Variants in ST8SIA4 observed in about 807,000 individuals in gnomAD.
ST8SIA4 encodes the protein CMP-N-acetylneuraminate-poly-alpha-2,8-sialyltransferase.
A neutral mutation model predicts 33.9 loss-of-function variants in ST8SIA4; 15 were observed. The ratio of observed to expected loss-of-function variants is 0.44; its 90% confidence interval spans 0.30 to 0.68. ST8SIA4 has a LOEUF of 0.68. Among genes scored for constraint, ST8SIA4 ranks in the 30% least tolerant of loss-of-function variants. ST8SIA4 has a pLI of 0.10. For synonymous variants in ST8SIA4, 171 were observed against 151.2 expected (o/e 1.13, Z -0.96); for missense variants, 321 against 428.0 (o/e 0.75, Z 2.21).
intron 3 of ST8SIA4, among the ~76,000 whole-genome samples, chr5:100,865,371 C>T (rs952938167): frequency 4.1e-4 from 63 of 152,186 alleles, no homozygotes; most frequent in African/African-American, 1.1e-3. Context: ...TTGATCACTC[C>T]GTATTATTAA....
At chr5:100,854,265 T>C (rs1282531326) in intron 4 of ST8SIA4, among the ~76,000 whole-genome samples, 1 of 151,530 alleles carries the variant, frequency 6.6e-6, no homozygotes, top group African/African-American at 2.4e-5. Context: ...AGAATGTGTG[T>C]TGAGTAAACA....
intron 4 of ST8SIA4, among the ~76,000 whole-genome samples, chr5:100,847,958 A>C (rs138496617): frequency 6.6e-6 from 1 of 152,232 alleles, no homozygotes; most frequent in African/African-American, 2.4e-5. Context: ...TTTAATAAAA[A>C]TAATGAAGCA....
Position 100,824,367 on chromosome 5 carries a change from T to A in ST8SIA4, c.798-12238A>T, listed in dbSNP as rs188396807. 1.1e-3 allele frequency among the ~76,000 whole-genome samples: 174 copies of A among 152,264 alleles called. 4 individuals are homozygous for A. The East Asian group carries it at 0.031, about 27-fold the overall frequency. On this transcript the variant is annotated intron_variant, in intron 4 of 4. Coordinates refer to ENST00000231461, the MANE Select transcript of ST8SIA4 (RefSeq NM_005668.6). Reference sequence around the variant, plus strand: ...CTGCATTAAAATATTGGGGAAATATTAAGTTTAAAATATTAAGAAACCTCA... The same window carrying A: ...CTGCATTAAAATATTGGGGAAATATAAAGTTTAAAATATTAAGAAACCTCA...
At chr5:100,853,483 C>G (rs1561395109) in intron 4 of ST8SIA4, among the ~76,000 whole-genome samples, 2 of 152,126 alleles carry the variant, frequency 1.3e-5, no homozygotes, top group South Asian at 4.1e-4. Flanking sequence ...GTTATTTCTA[C>G]AGAATTCAAA....
intron 4 of ST8SIA4, among the ~76,000 whole-genome samples, chr5:100,848,180 A>C (rs538282691): frequency 6.6e-6 from 1 of 152,046 alleles, no homozygotes; most frequent in Non-Finnish European, 1.5e-5. Flanking sequence ...TTTACTATAC[A>C]TTAAGCATGG....
chr5:100,892,425 T>C (rs183190006), intron 2 of ST8SIA4, among the ~76,000 whole-genome samples: 184 of 152,236 alleles, frequency 1.2e-3, no homozygotes, highest in Admixed American at 2.4e-3. Context: ...ATATCGTGAA[T>C]CCTCAAAGTA....
intron 3 of ST8SIA4, among the ~76,000 whole-genome samples, chr5:100,869,227 C>T (rs1461969090): frequency 2.0e-5 from 3 of 152,064 alleles, no homozygotes. Context: ...TAGGCACTGA[C>T]AAGTGTATTT....
At chr5:100,823,282 T>C (rs1751071267) in intron 4 of ST8SIA4, among the ~76,000 whole-genome samples, 1 of 152,214 alleles carries the variant, frequency 6.6e-6, no homozygotes, top group African/African-American at 2.4e-5. Context: ...AGTTACCCTG[T>C]ATGGTCTAAA....
intron 4 of ST8SIA4, among the ~76,000 whole-genome samples, chr5:100,822,685 A>G (rs1296730311): frequency 6.6e-6 from 1 of 152,220 alleles, no homozygotes. Flanking sequence ...GAGGCATTTG[A>G]AACAGAGCAA....
intron 3 of ST8SIA4, among the ~76,000 whole-genome samples, chr5:100,882,465 G>A (rs1321869937): frequency 6.6e-6 from 1 of 152,196 alleles, no homozygotes; most frequent in Non-Finnish European, 1.5e-5. Flanking sequence ...TGGAAAATTT[G>A]CAGCCTGACA....
intron 3 of ST8SIA4, among the ~76,000 whole-genome samples, chr5:100,864,619 T>C (rs897624989): frequency 6.7e-6 from 1 of 148,224 alleles, no homozygotes; most frequent in African/African-American, 2.5e-5. Flanking sequence ...CAGCAAATTC[T>C]GAAATGGCAA....
At chr5:100,856,850 G>A (rs190484624) in intron 3 of ST8SIA4, among the ~76,000 whole-genome samples, 1 of 152,242 alleles carries the variant, frequency 6.6e-6, no homozygotes, top group Non-Finnish European at 1.5e-5. Context: ...CAACAACTTT[G>A]TAAGTGTAAG....
chr5:100,902,162 C>G (rs896604869), intron 1 of ST8SIA4, among the ~76,000 whole-genome samples: 3 of 151,986 alleles, frequency 2.0e-5, no homozygotes, highest in African/African-American at 7.3e-5. Flanking sequence ...CTTAGTGGGG[C>G]GGGGGAGAGT....
At chr5:100,849,520 G>A (rs1751641130) in intron 4 of ST8SIA4, 1 of 928,646 alleles carries the variant, frequency 1.1e-6, no homozygotes, top group African/African-American at 1.8e-5. Flanking sequence ...GGTGGCTCAC[G>A]CCTGTAATCC....
intron 3 of ST8SIA4, among the ~76,000 whole-genome samples, chr5:100,863,299 T>G (rs1236805060): frequency 2.0e-5 from 3 of 152,056 alleles, no homozygotes; most frequent in Non-Finnish European, 4.4e-5. Context: ...TAATAGTAGA[T>G]GCACACACAC....
intron 4 of ST8SIA4, among the ~76,000 whole-genome samples, chr5:100,820,311 C>T (rs1751011072): frequency 6.6e-6 from 1 of 152,108 alleles, no homozygotes. Flanking sequence ...TAACATGCAG[C>T]ATTTCTCTTC....
In ST8SIA4 at chr5:100,869,257, A is replaced by C. The variant is rs574444802; in HGVS notation, c.504-12861T>G. ...GTATTTGTGTTTGGCTTTGGAGTAC[A>C]TTTTTAACCTATGTCTTATTTACAG... On this transcript the variant is annotated intron_variant, in intron 3 of 4. Transcript: ENST00000231461. Among the ~76,000 whole-genome samples the C allele has an allele frequency of 8.4e-4, 128 of 152,282 alleles. 1 individual carries two copies. The highest frequency in any genetic ancestry group is 1.5e-3 in the Non-Finnish European group (102 of 67,992).
intron 2 of ST8SIA4, among the ~76,000 whole-genome samples, chr5:100,887,063 T>A (rs1752553298): frequency 1.3e-5 from 2 of 152,032 alleles, no homozygotes; most frequent in Admixed American, 1.3e-4. Context: ...GTTAATGCTA[T>A]TAAAAGGAAT....
intron 4 of ST8SIA4, among the ~76,000 whole-genome samples, chr5:100,819,750 A>G (rs1452972201): frequency 6.6e-6 from 1 of 152,222 alleles, no homozygotes; most frequent in Admixed American, 6.5e-5. Context: ...GGAGTAAACC[A>G]TTTATAAAGA....
Sources: allele counts gnomAD v4.1 joint callset (sites outside exome capture counted in the v4.1 genomes callset), GRCh38; gene constraint gnomAD v4.1.1; transcripts MANE v1.5; gene names NCBI Gene and HGNC (gene_info 2026-07-23, HGNC 2026-07-21).